The following TARS2 variants were observed in gnomAD, a reference collection of about 807,000 sequenced individuals.
The protein encoded by TARS2 is threonyl-tRNA synthetase 2, mitochondrial, also known as threonine--tRNA ligase, mitochondrial.
TARS2 carries 61 observed loss-of-function variants against 94.4 expected under a neutral mutation model. That is an observed-to-expected ratio of 0.65 (90% CI 0.53 to 0.80). The LOEUF (loss-of-function observed/expected upper bound fraction) is 0.80. Among genes scored for constraint, TARS2 ranks in the 30% least tolerant of loss-of-function variants. The probability of loss-of-function intolerance (pLI) is 0.00; values close to 1 mark genes in which losing one functional copy is unlikely to be tolerated. For synonymous variants in TARS2, 359 were observed against 353.4 expected (o/e 1.02, Z -0.18); for missense variants, 704 against 902.5 (o/e 0.78, Z 2.82).
chr1:150,491,585 T>A lies in TARS2; in HGVS notation c.631-13T>A, dbSNP rs1177401570. The A allele has an allele frequency of 6.2e-6, 10 of 1,614,030 alleles. No homozygotes were observed. The highest frequency in any genetic ancestry group is 8.5e-6 in the Non-Finnish European group (10 of 1,180,020). ...AAACACTTTTCTTCAATCTCCCTTCTACCTTTTTCCAGGATAACCCCTTTA... is the reference window on the plus strand; with the variant it reads ...AAACACTTTTCTTCAATCTCCCTTCAACCTTTTTCCAGGATAACCCCTTTA... On this transcript the variant is annotated splice_polypyrimidine_tract_variant and intron_variant, in intron 5 of 17. Transcript: ENST00000369064.
chr1:150,489,689 C>T (rs1439356021), intron 3 of TARS2, among the ~76,000 whole-genome samples: 1 of 152,108 alleles, frequency 6.6e-6, no homozygotes, highest in Non-Finnish European at 1.5e-5. Flanking sequence ...GCCTGTAATC[C>T]CAGCACTTTG....
intron 9 of TARS2, 83 bp downstream of exon 9, chr1:150,496,991 TG>T: frequency 1.5e-6 from 2 of 1,370,084 alleles, no homozygotes; most frequent in Non-Finnish European, 2.0e-6. Context: ...TGTTAAAAGA[TG>T]GGGGTTGGGG....
intron 17 of TARS2, 76 bp downstream of exon 17, chr1:150,505,781 A>AAC: frequency 1.4e-6 from 2 of 1,439,364 alleles, no homozygotes; most frequent in Non-Finnish European, 1.9e-6. Flanking sequence ...AAGTCTGGTA[A>AAC]TGCATATTTG....
Position 150,496,919 on chromosome 1 carries a change from C to T in TARS2, c.1020+11C>T. 6.2e-7 allele frequency: 1 copy of T among 1,613,302 alleles called. No homozygotes were observed. The highest frequency in any genetic ancestry group is 8.5e-7 in the Non-Finnish European group (1 of 1,179,576). ...GTGGCGTTTATCAGGGTAAGGGGAC[C>T]CAGGTCTAGAGGAAAGAAGACCAGG... On this transcript the variant is annotated intron_variant, in intron 9 of 17. Coordinates refer to ENST00000369064, the MANE Select transcript of TARS2 (RefSeq NM_025150.5).
intron 13 of TARS2, among the ~76,000 whole-genome samples, chr1:150,502,192 A>T (rs1271644217): frequency 6.6e-6 from 1 of 151,448 alleles, no homozygotes; most frequent in Non-Finnish European, 1.5e-5. Context: ...GGATTATTAC[A>T]GGCATGAGCC....
intron 7 of TARS2, among the ~76,000 whole-genome samples, chr1:150,494,193 C>T (rs1300137789): frequency 6.6e-6 from 1 of 151,244 alleles, no homozygotes; most frequent in East Asian, 1.9e-4. Context: ...ATGGTGAAAC[C>T]CTGTCTCTAC....
At chr1:150,494,796 G>A (rs1468592921) in intron 7 of TARS2, among the ~76,000 whole-genome samples, 2 of 152,170 alleles carry the variant, frequency 1.3e-5, no homozygotes, top group African/African-American at 4.8e-5. Flanking sequence ...CTAACACTTT[G>A]GGAGGCTGAG....
intron 16 of TARS2, 55 bp downstream of exon 16, chr1:150,505,033 G>GC: frequency 6.3e-7 from 1 of 1,582,600 alleles, no homozygotes; most frequent in African/African-American, 1.3e-5. Context: ...AGAGTCTGGT[G>GC]CCCTGCAGTG....
intron 13 of TARS2, among the ~76,000 whole-genome samples, chr1:150,501,457 A>G (rs587708231): frequency 8.0e-6 from 1 of 125,560 alleles, no homozygotes; most frequent in African/African-American, 3.0e-5. Context: ...AGCTGGGACT[A>G]TAGGCAGGCA....
intron 7 of TARS2, among the ~76,000 whole-genome samples, chr1:150,493,838 G>A (rs766859752): frequency 6.2e-4 from 94 of 151,672 alleles, no homozygotes; most frequent in Non-Finnish European, 1.1e-3. Flanking sequence ...GGAGCAAGGG[G>A]AAATGCAGAT....
At chr1:150,497,107 A>G (rs587750931) in intron 9 of TARS2, among the ~76,000 whole-genome samples, 199 bp downstream of exon 9, 7 of 152,194 alleles carry the variant, frequency 4.6e-5, no homozygotes, top group Admixed American at 3.9e-4. Flanking sequence ...ACATGGCAAA[A>G]CCCTGTCTCT....
At chr1:150,499,471 C>T (rs1464379403) in intron 13 of TARS2, among the ~76,000 whole-genome samples, 178 bp downstream of exon 13, 1 of 151,918 alleles carries the variant, frequency 6.6e-6, no homozygotes, top group Non-Finnish European at 1.5e-5. Flanking sequence ...TCAAGCAATT[C>T]CCCTGCCTCA....
At chr1:150,503,597 G>A (rs1219062307) in intron 13 of TARS2, among the ~76,000 whole-genome samples, 2 of 137,594 alleles carry the variant, frequency 1.5e-5, no homozygotes, top group Non-Finnish European at 1.6e-5. Flanking sequence ...GTGTGTGTGT[G>A]TGTGTATGTG....
chr1:150,499,012 G>C lies in TARS2; in HGVS notation c.1517G>C (p.Cys506Ser). The C allele has an allele frequency of 6.2e-7, 1 of 1,614,154 alleles. No homozygotes were observed. The highest frequency in any genetic ancestry group is 1.1e-5 in the South Asian group (1 of 91,078). ...TRPSGFLGDP[C>S]LWDQAEQVLK... is the part of the protein sequence containing the mutation. ...CCATCTGGCTTCCTGGGGGACCCTT[G>C]CCTTTGGGACCAGGCCGAACAGGTG... The change falls in exon 12 of 18, where the codon TGC (cysteine) becomes TCC (serine). Residue 506 changes from cysteine to serine, a missense_variant. Coordinates refer to ENST00000369064, the MANE Select transcript of TARS2 (RefSeq NM_025150.5).
chr1:150,489,123 TAAA>T (rs1268005418), intron 3 of TARS2, 36 bp downstream of exon 3: 7 of 1,613,566 alleles, frequency 4.3e-6, no homozygotes, highest in Non-Finnish European at 5.1e-6. Context: ...CAGTGACTAC[TAAA>T]CCAAGAGATA....
Position 150,499,249 on chromosome 1 carries a change from C to T in TARS2, c.1573C>T (p.Pro525Ser). 1.2e-6 allele frequency: 2 copies of T among 1,614,132 alleles called. No individual in the cohort carries two copies. Among genetic ancestry groups the T allele is most frequent in the Non-Finnish European group, 8.5e-7 (1 of 1,180,026 alleles). Residue 525 changes from proline (P) to serine (S), a missense_variant, in exon 13 of 18, where the codon CCC becomes TCC. This residue lies in a region of TARS2 where 466 missense variants were observed against 609.5 expected (regional missense o/e 0.76). Transcript: ENST00000369064. ...LKQALKEFGEPWDLNSGDGAF... is the reference protein window; with the variant it reads ...LKQALKEFGESWDLNSGDGAF... ...ACAGGCCCTGAAGGAATTTGGAGAA[C>T]CCTGGGACCTCAACTCTGGAGATGG... is the stretch of plus-strand genomic sequence containing the variant.
At chr1:150,502,056 G>A (rs1213195409) in intron 13 of TARS2, among the ~76,000 whole-genome samples, 2 of 149,028 alleles carry the variant, frequency 1.3e-5, no homozygotes, top group African/African-American at 5.0e-5. Flanking sequence ...GGGATTACAG[G>A]CATGTACCAC....
intron 13 of TARS2, among the ~76,000 whole-genome samples, chr1:150,502,422 T>C (rs927392118): frequency 8.8e-5 from 13 of 147,836 alleles, no homozygotes; most frequent in African/African-American, 3.0e-4. Context: ...AGTTTTACTC[T>C]GTCGCCAGGC....
chr1:150,503,565 G>GTATATA (rs1248467575), intron 13 of TARS2, among the ~76,000 whole-genome samples: 1 of 100,166 alleles, frequency 1.0e-5, no homozygotes, highest in African/African-American at 4.2e-5. Context: ...GTGTGTGTGT[G>GTATATA]TGTGTGTGTG....
Sources: gnomAD v4.1 joint callset for allele counts (sites outside exome capture counted in the v4.1 genomes callset) on GRCh38, gnomAD v4.1.1 for gene constraint, gnomAD v4.1.1 regional missense constraint, MANE v1.5 for transcripts, NCBI Gene and HGNC (gene_info 2026-07-23, HGNC 2026-07-21) for gene names.